Variants in PARP4 observed in about 807,000 individuals in gnomAD.
PARP4 encodes the protein protein mono-ADP-ribosyltransferase PARP4.
In PARP4, 120 loss-of-function variants were observed where a neutral mutation model predicts 187.7. The ratio of observed to expected loss-of-function variants is 0.64; its 90% CI spans 0.55 to 0.74. The LOEUF (loss-of-function observed/expected upper bound fraction) is 0.74, where lower values mean the gene tolerates loss of function less well. Ranked by LOEUF, PARP4 falls within the 30% of genes least tolerant of loss-of-function variation. The pLI, the probability that PARP4 is intolerant of heterozygous loss-of-function variation, is 0.00. For missense variants in PARP4, 1,836 were observed against 2,070.5 expected (o/e 0.89, Z 2.20); for synonymous variants, 654 against 740.9 (o/e 0.88, Z 1.90).
intron 1 of PARP4, among the ~76,000 whole-genome samples, chr13:24,507,519 G>T (rs376563061): frequency 2.6e-5 from 4 of 152,198 alleles, no homozygotes; most frequent in African/African-American, 9.6e-5. Context: ...TGCTATTCTT[G>T]ACTCCCTGCA....
At chr13:24,476,239 G>A (rs540729516) in intron 14 of PARP4, among the ~76,000 whole-genome samples, 66 of 151,604 alleles carry the variant, frequency 4.4e-4, no homozygotes, top group Middle Eastern at 3.4e-3. Flanking sequence ...TTAGCCTCTC[G>A]AGTAGCTGCG....
chr13:24,484,282 T>C (rs1873436578), intron 12 of PARP4, among the ~76,000 whole-genome samples: 1 of 152,178 alleles, frequency 6.6e-6, no homozygotes, highest in African/African-American at 2.4e-5. Flanking sequence ...TCCTCCTGCC[T>C]CAGCCTCCCC....
intron 30 of PARP4, among the ~76,000 whole-genome samples, chr13:24,439,995 A>G (rs9507342): frequency 1.2e-3 from 190 of 152,320 alleles, no homozygotes; most frequent in Non-Finnish European, 2.2e-3. Context: ...GCCTGGCTGA[A>G]TGCACCTCCT....
intron 1 of PARP4, among the ~76,000 whole-genome samples, chr13:24,505,061 TAGC>T (rs950888541): frequency 5.4e-5 from 8 of 149,416 alleles, no homozygotes; most frequent in African/African-American, 2.0e-4. Flanking sequence ...TGGAGTGCAG[TAGC>T]AGATCTCAGC....
At chr13:24,492,622 C>T (rs971534912) in intron 8 of PARP4, 28 bp from the exon 9 acceptor site, 2 of 1,566,880 alleles carry the variant, frequency 1.3e-6, no homozygotes, top group Admixed American at 1.8e-5. Context: ...ATGCTTATTA[C>T]AATGAAATCT....
intron 22 of PARP4, 53 bp downstream of exon 22, chr13:24,454,964 G>A: frequency 7.1e-7 from 1 of 1,411,922 alleles, no homozygotes; most frequent in East Asian, 2.4e-5. Flanking sequence ...TCTACAGAAT[G>A]TGATTCACAT....
intron 6 of PARP4, 71 bp downstream of exon 6, chr13:24,498,045 C>T (rs1287342390): frequency 3.0e-5 from 31 of 1,050,256 alleles, no homozygotes; most frequent in Non-Finnish European, 4.0e-5. Context: ...GTTGGGAGGT[C>T]GGCTGATTCA....
intron 15 of PARP4, among the ~76,000 whole-genome samples, chr13:24,474,586 C>G: frequency 6.6e-6 from 1 of 151,364 alleles, no homozygotes; most frequent in Non-Finnish European, 1.5e-5. Flanking sequence ...TCTGAGGACT[C>G]TGTTGTCTCC....
intron 17 of PARP4, 124 bp downstream of exon 17, chr13:24,468,900 T>A (rs776265985): frequency 1.3e-5 from 9 of 706,298 alleles, no homozygotes; most frequent in Non-Finnish European, 2.2e-5. Context: ...TCAGACCAAG[T>A]GGAACTCTGG....
rs1869436671 is a variant in PARP4, at chr13:24,503,673, C to G, written c.104G>C (p.Gly35Ala). 6.2e-7 allele frequency: 1 copy of G among 1,613,126 alleles called. No individual in the cohort carries two copies. Among genetic ancestry groups the G allele is most frequent in the Non-Finnish European group, 8.5e-7 (1 of 1,179,936 alleles). Residue 35 changes from glycine (G) to alanine (A), a missense_variant, in exon 2 of 34, where the codon GGA (glycine) becomes GCA (alanine). By Grantham distance (60) the Gly-to-Ala change is moderately conservative (BLOSUM62 0). Transcript: ENST00000381989. ...KLQTDIKENG[G>A]KFSFSLNPQC... ...AGGATTTAACGAAAAGGAAAACTTT[C>G]CGCCATTTTCCTTAATGTCAGTTTG... is the stretch of plus-strand genomic sequence containing the variant.
At position 24,420,964 on chromosome 13, in the gene PARP4, T is replaced by A. The variant is rs1381220308; in HGVS notation, c.*155A>T. 2.2e-6 allele frequency: 2 copies of A among 908,796 alleles called. No homozygotes were observed. The highest frequency in any genetic ancestry group is 3.0e-6 in the Non-Finnish European group (2 of 666,188). 56.3% of individuals were successfully genotyped at this position (908,796 alleles called of 1,614,324 possible). On this transcript the variant is annotated 3_prime_UTR_variant, in exon 34 of 34. Transcript: ENST00000381989. ...GTTTCATTTTATTATTGCTTGTTAG[T>A]TGATTAAAGTAATTCTTCTTCCACT... is the stretch of plus-strand genomic sequence containing the variant.
chr13:24,502,171 G>A (rs1869336540), intron 2 of PARP4, among the ~76,000 whole-genome samples: 1 of 152,006 alleles, frequency 6.6e-6, no homozygotes. Flanking sequence ...GGAAAGGGAG[G>A]TTCAAAGGTT....
chr13:24,498,169 T>G lies in PARP4; in HGVS notation c.538A>C (p.Arg180=). The change falls in exon 6 of 34, where the codon AGG becomes CGG. Residue 180 remains arginine, a synonymous_variant. Coordinates refer to ENST00000381989, the MANE Select transcript of PARP4 (RefSeq NM_006437.4). ...GAGGATATCAGGAAAGGACAGTCCC[T>G]GGAGTCCCGCGAACACTGAAGCTCC... ...VVELQCSRDS[R]DCPFLISSHF... 6.2e-7 allele frequency: 1 copy of G among 1,614,006 alleles called. No homozygotes were observed. The highest frequency in any genetic ancestry group is 1.1e-5 in the South Asian group (1 of 91,068).
At position 24,501,686 on chromosome 13, in the gene PARP4, G is replaced by A. The variant is rs775105112; in HGVS notation, c.281C>T (p.Pro94Leu). The change falls in exon 3 of 34, where the codon CCT (proline) becomes CTT (leucine). Residue 94 changes from proline (P) to leucine (L), a missense_variant. Physicochemically the swap from Pro to Leu is moderately conservative, Grantham distance 98. Around this residue, in one of 8 missense-constraint regions of PARP4, gnomAD observed 1,147 missense variants for 1,214.2 expected, o/e 0.94. Transcript: ENST00000381989. ...KRLLDVKNYDPYKPLDITPPP... is the reference protein window; with the variant it reads ...KRLLDVKNYDLYKPLDITPPP... ...TGGTGTGATGTCCAGGGGCTTATAA[G>A]GATCATAATTCTTTACATCCAAGAG... The A allele has an allele frequency of 1.2e-5, 19 of 1,613,418 alleles. No homozygotes were observed. The highest frequency in any genetic ancestry group is 1.5e-5 in the Non-Finnish European group (18 of 1,179,422).
chr13:24,480,715 A>G (rs1174784082), intron 12 of PARP4, among the ~76,000 whole-genome samples: 1 of 152,232 alleles, frequency 6.6e-6, no homozygotes, highest in East Asian at 1.9e-4. Flanking sequence ...GTTCAATTCT[A>G]TGAAGGCTCA....
intron 20 of PARP4, among the ~76,000 whole-genome samples, chr13:24,456,874 TG>T (rs1871886427): frequency 6.6e-6 from 1 of 152,062 alleles, no homozygotes; most frequent in South Asian, 2.1e-4. Flanking sequence ...CACTCCAGCC[TG>T]GGTAACAACA....
intron 6 of PARP4, among the ~76,000 whole-genome samples, chr13:24,496,898 C>T (rs1251407733): frequency 2.0e-5 from 3 of 152,184 alleles, no homozygotes; most frequent in Non-Finnish European, 4.4e-5. Flanking sequence ...CAGCGCATGC[C>T]TGTAATCCCA....
chr13:24,492,743 T>G (rs1868729543), intron 8 of PARP4, 149 bp from the exon 9 acceptor site: 2 of 672,882 alleles, frequency 3.0e-6, no homozygotes, highest in South Asian at 4.3e-5. Context: ...TGATCTTTAT[T>G]GGAGACGTAT....
rs1163893632 is a variant in PARP4 at position 24,438,522 on chromosome 13, A to G, written c.3667-3048T>C. Reference sequence around the variant, plus strand: ...AGAGTTATAGCACTGAATTTTACAAATGATTTACTTTAAAAACTTGGATTA... The same window carrying G: ...AGAGTTATAGCACTGAATTTTACAAGTGATTTACTTTAAAAACTTGGATTA... On this transcript the variant is annotated intron_variant, in intron 30 of 33. Transcript: ENST00000381989. Among the ~76,000 whole-genome samples the G allele has an allele frequency of 4.6e-5, 7 of 152,288 alleles. No homozygotes were observed. The East Asian group carries it at 1.4e-3, about 29-fold the overall frequency.
Sources: allele counts gnomAD v4.1 joint callset (sites outside exome capture counted in the v4.1 genomes callset), GRCh38; gene constraint gnomAD v4.1.1; regional missense constraint gnomAD v4.1.1; transcripts MANE v1.5; gene names NCBI Gene and HGNC (gene_info 2026-07-23, HGNC 2026-07-21).